Variants in KCNMA1 observed in about 807,000 individuals in gnomAD.
KCNMA1 encodes Calcium-activated potassium channel subunit alpha-1.
In KCNMA1, 29 loss-of-function variants were observed where a neutral mutation model predicts 140.0. The ratio of observed to expected loss-of-function variants is 0.21; its 90% CI spans 0.15 to 0.28. The LOEUF is 0.28. Among genes scored for constraint, KCNMA1 ranks in the 10% least tolerant of loss-of-function variants. The pLI, the probability that KCNMA1 is intolerant of heterozygous loss-of-function variation, is 1.00. For missense variants in KCNMA1, 880 were observed against 1,602.2 expected, an observed-to-expected ratio of 0.55 and a Z score of 7.70; for synonymous variants, 612 against 611.9, an observed-to-expected ratio of 1.00 and a Z score of 0.00.
chr10:77,317,005 A>T (rs1421633364), intron 2 of KCNMA1, among the ~76,000 whole-genome samples: 1 of 152,164 alleles, frequency 6.6e-6, no homozygotes, highest in African/African-American at 2.4e-5. Context: ...AAATGGGGAC[A>T]CTGGACATTC....
At chr10:77,368,968 G>A (rs565988784) in intron 2 of KCNMA1, among the ~76,000 whole-genome samples, 10 of 152,296 alleles carry the variant, frequency 6.6e-5, no homozygotes, top group Admixed American at 3.3e-4. Flanking sequence ...CAGGTAGGGC[G>A]ATTGGTGATT....
chr10:77,543,059 C>T (rs1044300440), intron 1 of KCNMA1, among the ~76,000 whole-genome samples: 1 of 151,664 alleles, frequency 6.6e-6, no homozygotes, highest in African/African-American at 2.4e-5. Flanking sequence ...CTCTCTCATT[C>T]TCTCTCTCTT....
chr10:77,316,339 G>A (rs942497044), intron 2 of KCNMA1, among the ~76,000 whole-genome samples: 13 of 152,188 alleles, frequency 8.5e-5, no homozygotes, highest in African/African-American at 2.9e-4. Flanking sequence ...GAGAGGTAAC[G>A]ATGACCTTGG....
At chr10:77,183,897 G>C (rs908944480) in intron 4 of KCNMA1, among the ~76,000 whole-genome samples, 5 of 152,178 alleles carry the variant, frequency 3.3e-5, no homozygotes, top group East Asian at 1.9e-4. Flanking sequence ...GCCCCATAGA[G>C]AGCCCTATAT....
intron 23 of KCNMA1, among the ~76,000 whole-genome samples, chr10:76,939,942 T>A (rs1230981241): frequency 1.3e-5 from 2 of 152,204 alleles, no homozygotes; most frequent in Non-Finnish European, 2.9e-5. Context: ...TTTCCCCAGA[T>A]AAATGCGTGC....
At chr10:77,255,744 T>C (rs1375747738) in intron 2 of KCNMA1, among the ~76,000 whole-genome samples, 2 of 151,920 alleles carry the variant, frequency 1.3e-5, no homozygotes, top group African/African-American at 2.4e-5. Flanking sequence ...AAACCCTGTC[T>C]CTACTAAAAA....
At chr10:77,584,938 A>C (rs754967608) in intron 1 of KCNMA1, among the ~76,000 whole-genome samples, 1 of 152,208 alleles carries the variant, frequency 6.6e-6, no homozygotes, top group Non-Finnish European at 1.5e-5. Flanking sequence ...GCCAAGGGAC[A>C]CTGGAGCATG....
intron 5 of KCNMA1, among the ~76,000 whole-genome samples, chr10:77,181,892 T>C (rs2098805629): frequency 1.3e-5 from 2 of 152,128 alleles, no homozygotes; most frequent in Non-Finnish European, 2.9e-5. Flanking sequence ...GCAAAAGAAA[T>C]CTTTTTAGGA....
intron 1 of KCNMA1, among the ~76,000 whole-genome samples, chr10:77,469,684 A>G (rs1286997108): frequency 1.3e-5 from 2 of 152,226 alleles, no homozygotes; most frequent in Admixed American, 6.5e-5. Flanking sequence ...CTCAGCAAGG[A>G]GCCAGGGATT....
intron 2 of KCNMA1, among the ~76,000 whole-genome samples, chr10:77,321,745 G>T (rs992596266): frequency 4.0e-5 from 6 of 151,782 alleles, no homozygotes; most frequent in Non-Finnish European, 7.4e-5. Flanking sequence ...TTTGTTTTGT[G>T]TTTTTCTTCT....
chr10:76,889,665 T>C, intron 26 of KCNMA1, 96 bp from the exon 27 acceptor site: 5 of 1,010,036 alleles, frequency 5.0e-6, no homozygotes, highest in Non-Finnish European at 7.9e-6. Context: ...AAAGCTTGTT[T>C]TGGTGTCTCC....
chr10:77,360,220 A>G (rs1008764428), intron 2 of KCNMA1, among the ~76,000 whole-genome samples: 22 of 152,256 alleles, frequency 1.4e-4, no homozygotes, highest in Admixed American at 1.4e-3. Flanking sequence ...ACAATGCAAC[A>G]GATGTTCTAG....
At chr10:76,904,735 C>T (rs2047104658) in intron 25 of KCNMA1, 2 of 152,124 alleles carry the variant, frequency 1.3e-5, no homozygotes, top group Admixed American at 6.5e-5. Flanking sequence ...AGGAAAGGTC[C>T]AAGGCTCAAG....
At chr10:77,637,072 C>T in intron 1 of KCNMA1, 193 bp downstream of exon 1, 3 of 1,356,486 alleles carry the variant, frequency 2.2e-6, no homozygotes, top group African/African-American at 3.0e-5. Flanking sequence ...GGGGCAACTC[C>T]TCACCCCCGG....
At chr10:77,071,868 C>T (rs777679712) in intron 14 of KCNMA1, among the ~76,000 whole-genome samples, 3 of 152,158 alleles carry the variant, frequency 2.0e-5, no homozygotes, top group Admixed American at 6.5e-5. Context: ...TTGGCAGGTA[C>T]GAAGGATAAG....
At chr10:77,391,519 C>T (rs561894040) in intron 2 of KCNMA1, among the ~76,000 whole-genome samples, 4 of 152,254 alleles carry the variant, frequency 2.6e-5, no homozygotes, top group Admixed American at 6.5e-5. Context: ...GTCCTAGATC[C>T]CTCACTACTC....
intron 1 of KCNMA1, among the ~76,000 whole-genome samples, chr10:77,620,238 C>T (rs1373197474): frequency 1.3e-5 from 2 of 152,110 alleles, no homozygotes; most frequent in African/African-American, 4.8e-5. Context: ...CACAGCCTGC[C>T]AGCCTCAGAG....
chr10:77,606,652 C>T (rs757185805), intron 1 of KCNMA1, among the ~76,000 whole-genome samples: 6 of 152,090 alleles, frequency 3.9e-5, no homozygotes, highest in African/African-American at 1.2e-4. Context: ...TCCAGAAAGA[C>T]GTCTGTATCT....
At chr10:76,910,125 T>A in intron 24 of KCNMA1, 29 bp from the exon 25 acceptor site, 1 of 1,612,588 alleles carries the variant, frequency 6.2e-7, no homozygotes, top group Non-Finnish European at 8.5e-7. Context: ...AAGAATTAGC[T>A]CTGAAGACCA....
Sources: allele counts gnomAD v4.1 joint callset (sites outside exome capture counted in the v4.1 genomes callset), GRCh38; gene constraint gnomAD v4.1.1; transcripts MANE v1.5; gene names NCBI Gene and HGNC (gene_info 2026-07-23, HGNC 2026-07-21).